Variants in ZFAT observed in about 807,000 individuals in gnomAD.
ZFAT encodes the protein zinc finger and AT-hook domain containing.
A neutral mutation model predicts 117.7 loss-of-function variants in ZFAT; 64 were observed. That is an observed-to-expected ratio of 0.54 (90% CI 0.44 to 0.67). The LOEUF is 0.67. Ranked by LOEUF, ZFAT falls within the 30% of genes least tolerant of loss-of-function variation. The pLI is 0.00. For synonymous variants in ZFAT, 679 were observed against 615.0 expected, an observed-to-expected ratio of 1.10 and a Z score of -1.54; for missense variants, 1,433 against 1,584.5, an observed-to-expected ratio of 0.90 and a Z score of 1.62.
chr8:134,637,470 C>G lies in ZFAT; in HGVS notation c.439G>C (p.Gly147Arg). The G allele has an allele frequency of 6.2e-7, 1 of 1,607,288 alleles. No individual in the cohort carries two copies. The highest frequency in any genetic ancestry group is 1.1e-5 in the South Asian group (1 of 90,942). ...CTTTGGCAGCATTTACCTGCTTCTC[C>G]TTCCTCCTCACCCAAATTCAGCACG... ...IIVLNLGEEE[G>R]EAGNESDLEL... is the part of the protein sequence containing the mutation. The change falls in exon 3 of 16, where the codon GGA (glycine) becomes CGA (arginine). Residue 147 changes from glycine (G) to arginine (R), a missense_variant. Gly to Arg is a moderately radical substitution (Grantham distance 125). Around this residue, in one of 5 missense-constraint regions of ZFAT, gnomAD observed 436 missense variants for 482.0 expected, o/e 0.90. Transcript: ENST00000377838.
chr8:134,632,776 A>G (rs1017698837), intron 3 of ZFAT, among the ~76,000 whole-genome samples: 2 of 152,216 alleles, frequency 1.3e-5, no homozygotes, highest in African/African-American at 4.8e-5. Context: ...ATTGCAGAAA[A>G]TATTTTCAGC....
the ZFAT span, among the ~76,000 whole-genome samples, chr8:134,733,358 AT>A: frequency 6.6e-6 from 1 of 152,336 alleles, no homozygotes; most frequent in African/African-American, 2.4e-5. Context: ...TTTTGGGGTC[AT>A]TGGAGTTTGA....
At chr8:134,620,453 C>T (rs1563685744) in intron 3 of ZFAT, among the ~76,000 whole-genome samples, 2 of 152,188 alleles carry the variant, frequency 1.3e-5, no homozygotes, top group Non-Finnish European at 2.9e-5. Flanking sequence ...GGCATCCAGG[C>T]CCAGGCATTT....
the ZFAT span, among the ~76,000 whole-genome samples, chr8:134,752,070 G>C: frequency 0.038 from 5,758 of 152,218 alleles, 157 homozygotes; most frequent in Middle Eastern, 0.075. Context: ...GGTTAGGCTA[G>C]ATCAACTCTA....
chr8:134,657,457 G>A (rs180872425), intron 2 of ZFAT, 104 bp downstream of exon 2: 5 of 1,222,078 alleles, frequency 4.1e-6, no homozygotes, highest in Non-Finnish European at 5.7e-6. Flanking sequence ...TGTGACTTCT[G>A]ATTTGGAAAT....
chr8:134,685,800 G>A (rs7843507), intron 1 of ZFAT, among the ~76,000 whole-genome samples: 4,507 of 152,240 alleles, frequency 0.03, 220 homozygotes, highest in African/African-American at 0.1. Context: ...ATCTGACTAG[G>A]CCATAATTTT....
chr8:134,738,928 G>C, the ZFAT span, among the ~76,000 whole-genome samples: 1 of 152,218 alleles, frequency 6.6e-6, no homozygotes, highest in East Asian at 1.9e-4. Flanking sequence ...AGCTTCCCTA[G>C]TCCTTTTAGG....
chr8:134,540,467 G>C (rs1822170000), intron 11 of ZFAT, among the ~76,000 whole-genome samples: 1 of 152,310 alleles, frequency 6.6e-6, no homozygotes, highest in South Asian at 2.1e-4. Context: ...CCCATGACAA[G>C]AACATTCTCT....
At chr8:134,768,715 C>G in the ZFAT span, among the ~76,000 whole-genome samples, 1 of 152,206 alleles carries the variant, frequency 6.6e-6, no homozygotes, top group Non-Finnish European at 1.5e-5. Flanking sequence ...AGGTTCCTTC[C>G]ACAACATGTG....
At chr8:134,644,918 CACAA>C (rs1563720278) in intron 2 of ZFAT, among the ~76,000 whole-genome samples, 1 of 152,168 alleles carries the variant, frequency 6.6e-6, no homozygotes, top group Non-Finnish European at 1.5e-5. Context: ...CATGCACACA[CACAA>C]ACACACCCAT....
At chr8:134,709,703 G>A (rs1207594557) in intron 1 of ZFAT, among the ~76,000 whole-genome samples, 2 of 152,192 alleles carry the variant, frequency 1.3e-5, no homozygotes, top group Non-Finnish European at 2.9e-5. Context: ...TCTGATTCTT[G>A]ACTGCCCTTG....
chr8:134,539,011 C>T (rs1332392348), intron 11 of ZFAT, among the ~76,000 whole-genome samples: 1 of 152,208 alleles, frequency 6.6e-6, no homozygotes, highest in South Asian at 2.1e-4. Flanking sequence ...GTAAAATACA[C>T]ATTTTCATAG....
intron 3 of ZFAT, among the ~76,000 whole-genome samples, chr8:134,623,494 C>T (rs931432023): frequency 6.6e-6 from 1 of 152,202 alleles, no homozygotes; most frequent in Non-Finnish European, 1.5e-5. Flanking sequence ...CCTTTTTCCT[C>T]CAAATCTGCA....
At position 134,657,564 on chromosome 8, in the gene ZFAT, C is replaced by A. The variant is rs748844218; in HGVS notation, c.193G>T (p.Asp65Tyr). 14 of 1,609,368 alleles carry A rather than the reference C, an allele frequency of 8.7e-6. No homozygotes were observed. Among genetic ancestry groups the A allele is most frequent in the Admixed American group, 5.0e-5 (3 of 59,700 alleles). The change falls in exon 2 of 16, where the codon GAT becomes TAT. Residue 65 changes from aspartate to tyrosine, a missense_variant. Asp to Tyr is a radical substitution (Grantham distance 160). Transcript: ENST00000377838. ...CCCCACCCCCCAGCCCCCTTACCAT[C>A]TCCGGTTTTGCTTGAGTTGGGGGGT... ...PEPPNSSKTGDEFLVMKRKRG... is the reference protein window; with the variant it reads ...PEPPNSSKTGYEFLVMKRKRG...
chr8:134,771,860 T>C, the ZFAT span, among the ~76,000 whole-genome samples: 1 of 152,212 alleles, frequency 6.6e-6, no homozygotes, highest in East Asian at 1.9e-4. Flanking sequence ...TGGGGAGGCC[T>C]CACAATCATG....
chr8:134,542,977 C>T (rs1000923593), intron 11 of ZFAT, among the ~76,000 whole-genome samples: 2 of 149,868 alleles, frequency 1.3e-5, no homozygotes, highest in Non-Finnish European at 3.0e-5. Flanking sequence ...ATGTACAAAT[C>T]CCCAGATGAC....
the ZFAT span, among the ~76,000 whole-genome samples, chr8:134,755,110 A>G: frequency 6.6e-6 from 1 of 151,890 alleles, no homozygotes; most frequent in African/African-American, 2.4e-5. Flanking sequence ...TTTTATTTCA[A>G]TAGCTTTTGG....
At chr8:134,489,732 GTA>G (rs1817920377) in intron 15 of ZFAT, among the ~76,000 whole-genome samples, 1 of 152,164 alleles carries the variant, frequency 6.6e-6, no homozygotes, top group Non-Finnish European at 1.5e-5. Flanking sequence ...ACTCCCAAAT[GTA>G]TGTCTAGACC....
At chr8:134,483,734 C>T (rs1046299328) in intron 15 of ZFAT, among the ~76,000 whole-genome samples, 17 of 152,186 alleles carry the variant, frequency 1.1e-4, no homozygotes, top group Admixed American at 1.0e-3. Context: ...AATCAGGCAC[C>T]GTGTTCTGCT....
Sources: allele counts gnomAD v4.1 joint callset (sites outside exome capture counted in the v4.1 genomes callset), GRCh38; gene constraint gnomAD v4.1.1; regional missense constraint gnomAD v4.1.1; transcripts MANE v1.5; gene names NCBI Gene and HGNC (gene_info 2026-07-23, HGNC 2026-07-21).